Variants in RTL4 observed in about 807,000 individuals in gnomAD.
RTL4 encodes retrotransposon Gag-like protein 4.
RTL4 carries 4 observed loss-of-function variants against 5.3 expected under a neutral mutation model. The ratio of observed to expected loss-of-function variants is 0.75; its 90% CI spans 0.37 to 1.72. The LOEUF (loss-of-function observed/expected upper bound fraction) is 1.72, where lower values mean the gene tolerates loss of function less well. Ranked by LOEUF, RTL4 falls within the 40% of genes most tolerant of loss-of-function variation. The pLI, the probability that RTL4 is intolerant of heterozygous loss-of-function variation, is 0.04. For synonymous variants in RTL4, 98 were observed against 87.3 expected (o/e 1.12, Z -0.68); for missense variants, 260 against 227.1 (o/e 1.14, Z -0.93).
At chrX:112,324,199 T>C in the RTL4 span, among the ~76,000 whole-genome samples, 16 of 112,571 alleles carry the variant, frequency 1.4e-4, no homozygotes, top group Non-Finnish European at 2.2e-4. Context: ...GCCTTTCGTA[T>C]CTGGCTTCTT....
At chrX:112,274,040 A>C in the RTL4 span, among the ~76,000 whole-genome samples, 1 of 112,014 alleles carries the variant, frequency 8.9e-6, no homozygotes, top group East Asian at 2.8e-4. Flanking sequence ...CATTTTATAG[A>C]AAGGCAAATT....
chrX:112,330,886 G>A, the RTL4 span, among the ~76,000 whole-genome samples: 1 of 111,072 alleles, frequency 9.0e-6, no homozygotes, highest in East Asian at 2.8e-4. Flanking sequence ...TGACAAACCT[G>A]AGAAAAACAA....
chrX:112,213,153 T>C, the RTL4 span, among the ~76,000 whole-genome samples: 1 of 112,954 alleles, frequency 8.9e-6, no homozygotes, highest in Non-Finnish European at 1.9e-5. Context: ...AACAAATGCC[T>C]AGGCAGCTAC....
the RTL4 span, among the ~76,000 whole-genome samples, chrX:112,390,471 A>G: frequency 9.2e-6 from 1 of 108,189 alleles, no homozygotes; most frequent in African/African-American, 3.4e-5. Flanking sequence ...AAAAAAATAT[A>G]TCTTATAAGG....
chrX:112,163,934 G>A, the RTL4 span, among the ~76,000 whole-genome samples: 2 of 111,731 alleles, frequency 1.8e-5, no homozygotes, highest in African/African-American at 6.5e-5. Flanking sequence ...CTCTGGGAAT[G>A]GCGCAAGTAG....
At chrX:112,199,276 G>A in the RTL4 span, among the ~76,000 whole-genome samples, 1,438 of 96,738 alleles carry the variant, frequency 0.015, 28 homozygotes, top group African/African-American at 0.046. Flanking sequence ...GCGACGGAGC[G>A]AGGCTCCGTC....
At chrX:112,356,523 G>A in the RTL4 span, among the ~76,000 whole-genome samples, 2 of 110,264 alleles carry the variant, frequency 1.8e-5, no homozygotes, top group Admixed American at 9.6e-5. Flanking sequence ...AGAATACCAC[G>A]TTGTGTGTAG....
At chrX:112,178,836 C>T in the RTL4 span, among the ~76,000 whole-genome samples, 425 of 111,351 alleles carry the variant, frequency 3.8e-3, 2 homozygotes, top group African/African-American at 0.013. Flanking sequence ...TCTGACCACA[C>T]ACCTCTTAGA....
At chrX:112,317,245 G>T in the RTL4 span, among the ~76,000 whole-genome samples, 39 of 111,876 alleles carry the variant, frequency 3.5e-4, no homozygotes, top group African/African-American at 1.3e-3. Flanking sequence ...GAAGACTGAG[G>T]CAGGAGAATC....
the RTL4 span, among the ~76,000 whole-genome samples, chrX:112,294,151 T>C: frequency 1.8e-5 from 2 of 111,797 alleles, no homozygotes; most frequent in African/African-American, 6.5e-5. Flanking sequence ...TTATGGGAAA[T>C]ACATTGATCT....
chrX:112,262,870 A>C, the RTL4 span, among the ~76,000 whole-genome samples: 2 of 110,864 alleles, frequency 1.8e-5, no homozygotes, highest in Admixed American at 1.9e-4. Flanking sequence ...AGTCATAAAA[A>C]AGGATGAGTT....
At chrX:112,311,362 T>C in the RTL4 span, among the ~76,000 whole-genome samples, 2 of 111,090 alleles carry the variant, frequency 1.8e-5, no homozygotes, top group Admixed American at 9.8e-5. Flanking sequence ...TATAGGATGT[T>C]GGCTGTACTT....
the RTL4 span, among the ~76,000 whole-genome samples, chrX:112,204,620 A>G: frequency 2.4e-4 from 27 of 111,477 alleles, no homozygotes; most frequent in Middle Eastern, 4.6e-3. Flanking sequence ...AAAAATCAAA[A>G]CAATTGAACT....
chrX:112,133,245 C>T, the RTL4 span, among the ~76,000 whole-genome samples: 1 of 111,863 alleles, frequency 8.9e-6, no homozygotes, highest in East Asian at 2.8e-4. Context: ...TTTCAAATCT[C>T]TTTAAAAATT....
the RTL4 span, among the ~76,000 whole-genome samples, chrX:112,368,362 C>T: frequency 2.7e-5 from 3 of 111,926 alleles, no homozygotes; most frequent in South Asian, 1.1e-3. Context: ...GGCACGGACA[C>T]AAAGTACTAA....
At chrX:112,347,363 G>A in the RTL4 span, among the ~76,000 whole-genome samples, 6 of 111,642 alleles carry the variant, frequency 5.4e-5, no homozygotes, top group Admixed American at 1.9e-4. Flanking sequence ...CTTCTGGAGT[G>A]GTCAAGAAAC....
chrX:112,280,598 C>G, the RTL4 span, among the ~76,000 whole-genome samples: 11 of 110,697 alleles, frequency 9.9e-5, no homozygotes, highest in African/African-American at 3.6e-4. Flanking sequence ...AAGCAGTCCT[C>G]CCACCTTAGC....
the RTL4 span, among the ~76,000 whole-genome samples, chrX:112,205,183 A>G: frequency 9.1e-6 from 1 of 109,365 alleles, no homozygotes; most frequent in Non-Finnish European, 1.9e-5. Flanking sequence ...GAGGAAGAGG[A>G]TACAATGGAT....
chrX:112,413,520 T>G, the RTL4 span, among the ~76,000 whole-genome samples: 5 of 111,400 alleles, frequency 4.5e-5, no homozygotes, highest in Non-Finnish European at 7.6e-5. Flanking sequence ...CTATTCAGCT[T>G]AAAAAGGAAT....
Sources: gnomAD v4.1 joint callset for allele counts (sites outside exome capture counted in the v4.1 genomes callset) on GRCh38, gnomAD v4.1.1 for gene constraint, MANE v1.5 for transcripts, NCBI Gene and HGNC (gene_info 2026-07-23, HGNC 2026-07-21) for gene names.